The following EIF4EBP1 variants were observed in gnomAD, a reference collection of about 807,000 sequenced individuals.
EIF4EBP1 encodes eukaryotic translation initiation factor 4E binding protein 1.
In EIF4EBP1, 5 loss-of-function variants were observed where a neutral mutation model predicts 9.2. That is an observed-to-expected ratio of 0.54 (90% CI 0.28 to 1.14). The LOEUF is 1.14. Among genes scored for constraint, EIF4EBP1 ranks in the 50% most tolerant of loss-of-function variants. The pLI, the probability that EIF4EBP1 is intolerant of heterozygous loss-of-function variation, is 0.09. For synonymous variants in EIF4EBP1, 62 were observed against 67.0 expected, an observed-to-expected ratio of 0.93 and a Z score of 0.36; for missense variants, 139 against 169.6, an observed-to-expected ratio of 0.82 and a Z score of 1.00.
At chr8:38,037,210 T>G (rs760054824) in intron 1 of EIF4EBP1, among the ~76,000 whole-genome samples, 25 of 152,198 alleles carry the variant, frequency 1.6e-4, no homozygotes, top group Non-Finnish European at 3.5e-4. Flanking sequence ...TTACTCATCT[T>G]TGTATCCACA....
chr8:38,042,838 C>G (rs908129851), intron 1 of EIF4EBP1, among the ~76,000 whole-genome samples: 33 of 152,118 alleles, frequency 2.2e-4, no homozygotes, highest in Non-Finnish European at 4.4e-5. Context: ...TCAAGGCGGG[C>G]AGATCGCTTG....
At chr8:38,031,345 T>C (rs1001415846) in intron 1 of EIF4EBP1, among the ~76,000 whole-genome samples, 1 of 151,822 alleles carries the variant, frequency 6.6e-6, no homozygotes, top group East Asian at 1.9e-4. Context: ...CGTTCTTCTG[T>C]CCGGGGAGAG....
chr8:38,033,841 G>A (rs1380459362), intron 1 of EIF4EBP1, among the ~76,000 whole-genome samples: 1 of 150,400 alleles, frequency 6.6e-6, no homozygotes, highest in Non-Finnish European at 1.5e-5. Context: ...CCGCCTCCCG[G>A]GTTCACGCCA....
chr8:38,035,895 G>A (rs1809294894), intron 1 of EIF4EBP1, among the ~76,000 whole-genome samples: 1 of 150,870 alleles, frequency 6.6e-6, no homozygotes, highest in South Asian at 2.1e-4. Flanking sequence ...TTTTAGTAGA[G>A]ATGGGGTTTC....
At position 38,030,849 on chromosome 8, in the gene EIF4EBP1, G is replaced by T; in HGVS notation, c.145+131G>T. On this transcript the variant is annotated intron_variant, in intron 1 of 2. Coordinates refer to ENST00000338825, the MANE Select transcript of EIF4EBP1 (RefSeq NM_004095.4). ...AAGAACGGAAAAGGGGCATCGGAGA[G>T]ACAGCGAGGGTCATGGAAGTGGCCG... The T allele has an allele frequency of 2.3e-6, 3 of 1,300,470 alleles. 1 individual carries two copies. The highest frequency in any genetic ancestry group is 3.0e-6 in the Non-Finnish European group (3 of 1,009,388). The allele number at this position is 1,300,470 out of a possible 1,614,324, so 80.6% of individuals were successfully genotyped here.
chr8:38,035,690 ATTAT>A (rs930406902), intron 1 of EIF4EBP1, among the ~76,000 whole-genome samples: 1 of 150,578 alleles, frequency 6.6e-6, no homozygotes, highest in Non-Finnish European at 1.5e-5. Flanking sequence ...TGCCCAGCTA[ATTAT>A]TTATTTATTT....
At chr8:38,047,236 G>A (rs1809459574) in intron 1 of EIF4EBP1, 1 of 152,118 alleles carries the variant, frequency 6.6e-6, no homozygotes. Flanking sequence ...ATTACATAAG[G>A]TTTGGATCTA....
chr8:38,033,665 T>G (rs1278673889), intron 1 of EIF4EBP1, among the ~76,000 whole-genome samples: 1 of 150,788 alleles, frequency 6.6e-6, no homozygotes, highest in Non-Finnish European at 1.5e-5. Context: ...GGAATGGCCC[T>G]CAAGTGATTG....
chr8:38,056,729 A>G (rs1809599923), intron 1 of EIF4EBP1, among the ~76,000 whole-genome samples: 2 of 151,006 alleles, frequency 1.3e-5, no homozygotes, highest in African/African-American at 2.4e-5. Context: ...ACAGTGGTGC[A>G]ATCGGCTCAC....
At chr8:38,050,472 C>T (rs918994467) in intron 1 of EIF4EBP1, among the ~76,000 whole-genome samples, 1 of 151,852 alleles carries the variant, frequency 6.6e-6, no homozygotes, top group African/African-American at 2.4e-5. Context: ...ACCTCTGCCT[C>T]CTGGGTAGCT....
intron 1 of EIF4EBP1, among the ~76,000 whole-genome samples, chr8:38,054,175 A>T (rs1444015650): frequency 2.0e-5 from 3 of 152,090 alleles, no homozygotes; most frequent in Non-Finnish European, 2.9e-5. Flanking sequence ...ACAACAAAAA[A>T]AGTGTGGCTC....
At chr8:38,042,772 T>C (rs1246351287) in intron 1 of EIF4EBP1, among the ~76,000 whole-genome samples, 1 of 152,080 alleles carries the variant, frequency 6.6e-6, no homozygotes, top group Non-Finnish European at 1.5e-5. Context: ...ACATAAGAGT[T>C]TTGGGGGCAG....
At chr8:38,050,787 G>A (rs1007397896) in intron 1 of EIF4EBP1, among the ~76,000 whole-genome samples, 1 of 152,054 alleles carries the variant, frequency 6.6e-6, no homozygotes, top group Non-Finnish European at 1.5e-5. Flanking sequence ...GGGCCTGGCT[G>A]TTTTTATTTA....
intron 1 of EIF4EBP1, among the ~76,000 whole-genome samples, chr8:38,035,977 C>G (rs1209862203): frequency 2.6e-5 from 4 of 151,104 alleles, no homozygotes; most frequent in Non-Finnish European, 4.4e-5. Flanking sequence ...AAAGTGCTGA[C>G]ATTACAGCCA....
At chr8:38,053,097 C>G (rs1809548198) in intron 1 of EIF4EBP1, among the ~76,000 whole-genome samples, 1 of 152,028 alleles carries the variant, frequency 6.6e-6, no homozygotes, top group Admixed American at 6.6e-5. Context: ...TGGCTCACTG[C>G]AACCTCCGCC....
intron 1 of EIF4EBP1, among the ~76,000 whole-genome samples, chr8:38,055,763 G>A (rs1258656947): frequency 6.6e-6 from 1 of 152,094 alleles, no homozygotes; most frequent in Admixed American, 6.6e-5. Context: ...TTGGGAGGCC[G>A]AGGCAGGCAG....
chr8:38,038,473 A>G (rs926484318), intron 1 of EIF4EBP1, among the ~76,000 whole-genome samples: 29 of 139,544 alleles, frequency 2.1e-4, no homozygotes, highest in African/African-American at 7.2e-4. Context: ...ACGCCACTGC[A>G]CTCCAGCCTG....
chr8:38,030,826 G>A, intron 1 of EIF4EBP1, 108 bp downstream of exon 1: 3 of 1,348,064 alleles, frequency 2.2e-6, no homozygotes, highest in Non-Finnish European at 2.9e-6. Context: ...TGATTGGAAA[G>A]AACGGAAAAG....
intron 1 of EIF4EBP1, among the ~76,000 whole-genome samples, chr8:38,036,209 GTTTTT>G (rs372469754): frequency 6.6e-6 from 1 of 151,868 alleles, no homozygotes; most frequent in African/African-American, 2.4e-5. Context: ...TGACCCTCTA[GTTTTT>G]TATTATTTGA....
Sources: gnomAD v4.1 joint callset for allele counts (sites outside exome capture counted in the v4.1 genomes callset) on GRCh38, gnomAD v4.1.1 for gene constraint, MANE v1.5 for transcripts, NCBI Gene and HGNC (gene_info 2026-07-23, HGNC 2026-07-21) for gene names.